Variants in CENPW observed in about 807,000 individuals in gnomAD.
The protein encoded by CENPW is cancer-up-regulated gene 2 protein.
A neutral mutation model predicts 11.1 loss-of-function variants in CENPW; 3 were observed. The ratio of observed to expected loss-of-function variants is 0.27; its 90% confidence interval spans 0.12 to 0.70. The LOEUF is 0.70. Ranked by LOEUF, CENPW falls within the 30% of genes least tolerant of loss-of-function variation. The probability of loss-of-function intolerance (pLI) is 0.77; values close to 1 mark genes in which losing one functional copy is unlikely to be tolerated. For synonymous variants in CENPW, 38 were observed against 42.0 expected, an observed-to-expected ratio of 0.91 and a Z score of 0.37; for missense variants, 100 against 105.6, an observed-to-expected ratio of 0.95 and a Z score of 0.23.
At position 126,340,267 on chromosome 6, in the gene CENPW, A is replaced by AAT. The variant is rs745787203; in HGVS notation, c.-7_-6insAT. ...GAAGCTGAGGCAGCTGGTACTTGAC[A>AAT]GAGAGGATGGCGCTGTCGACCATAG... On this transcript the variant is annotated 5_prime_UTR_variant, in exon 1 of 3. The change creates a new upstream start codon in the 5' untranslated region. Coordinates refer to ENST00000368328, the MANE Select transcript of CENPW (RefSeq NM_001012507.4). 1.2e-6 allele frequency: 2 copies of AAT among 1,613,244 alleles called. No homozygotes were observed. Among genetic ancestry groups the AAT allele is most frequent in the African/African-American group, 2.7e-5 (2 of 75,032 alleles).
chr6:126,356,556 A>G, the CENPW span, among the ~76,000 whole-genome samples: 6 of 152,306 alleles, frequency 3.9e-5, no homozygotes, highest in Admixed American at 2.6e-4. Flanking sequence ...ATTCCCATCA[A>G]TTGTGTATAA....
At chr6:126,376,876 G>A in the CENPW span, among the ~76,000 whole-genome samples, 5 of 152,070 alleles carry the variant, frequency 3.3e-5, no homozygotes, top group African/African-American at 7.2e-5. Context: ...CTGGTGTTCC[G>A]GCATGTCAGG....
At chr6:126,370,309 G>C in the CENPW span, among the ~76,000 whole-genome samples, 1 of 152,056 alleles carries the variant, frequency 6.6e-6, no homozygotes. Flanking sequence ...TGTGAAGAAT[G>C]ATGGTGCTAT....
At chr6:126,438,226 T>G in the CENPW span, among the ~76,000 whole-genome samples, 1 of 151,730 alleles carries the variant, frequency 6.6e-6, no homozygotes, top group Non-Finnish European at 1.5e-5. Flanking sequence ...ATTAAATACC[T>G]TTCTTAAGGG....
the CENPW span, among the ~76,000 whole-genome samples, chr6:126,385,390 AT>A: frequency 1.3e-5 from 2 of 152,192 alleles, no homozygotes; most frequent in African/African-American, 4.8e-5. Context: ...GATAAAGAAA[AT>A]GTGGTGCATA....
chr6:126,373,212 A>G, the CENPW span, among the ~76,000 whole-genome samples: 1 of 152,216 alleles, frequency 6.6e-6, no homozygotes, highest in Non-Finnish European at 1.5e-5. Context: ...ACTCTAAAGT[A>G]TTTATTCTGT....
At chr6:126,381,765 C>G in the CENPW span, among the ~76,000 whole-genome samples, 53 of 152,282 alleles carry the variant, frequency 3.5e-4, 1 homozygote, top group East Asian at 9.9e-3. Flanking sequence ...GACCAGTGGT[C>G]CAAGAGCATC....
chr6:126,429,740 T>TA, the CENPW span, among the ~76,000 whole-genome samples: 4 of 152,308 alleles, frequency 2.6e-5, no homozygotes, highest in East Asian at 7.7e-4. Context: ...GGCTGAGTTT[T>TA]AAAAATATAT....
At chr6:126,446,755 G>A in the CENPW span, among the ~76,000 whole-genome samples, 1 of 151,134 alleles carries the variant, frequency 6.6e-6, no homozygotes, top group African/African-American at 2.4e-5. Context: ...TATCAACATA[G>A]ATAAAGTTAC....
chr6:126,407,291 T>C, the CENPW span, among the ~76,000 whole-genome samples: 3 of 152,228 alleles, frequency 2.0e-5, no homozygotes, highest in Admixed American at 2.0e-4. Context: ...TGCATAGTAT[T>C]CCATGGTGTA....
chr6:126,473,922 G>GAT, the CENPW span, among the ~76,000 whole-genome samples: 2 of 145,132 alleles, frequency 1.4e-5, no homozygotes, highest in African/African-American at 5.2e-5. Context: ...GCATAGCATA[G>GAT]ATATAGAATA....
the CENPW span, among the ~76,000 whole-genome samples, chr6:126,415,843 G>A: frequency 5.9e-5 from 9 of 152,148 alleles, no homozygotes; most frequent in South Asian, 4.1e-4. Flanking sequence ...TCATTCTTTT[G>A]GAAACTGCCC....
the CENPW span, among the ~76,000 whole-genome samples, chr6:126,465,939 C>G: frequency 1.3e-5 from 2 of 152,198 alleles, no homozygotes; most frequent in South Asian, 2.1e-4. Context: ...GAAAATCAAT[C>G]ATACACCTAA....
the CENPW span, among the ~76,000 whole-genome samples, chr6:126,402,508 TC>T: frequency 7.4e-6 from 1 of 134,704 alleles, no homozygotes; most frequent in Non-Finnish European, 1.6e-5. Context: ...CTCTATTTTC[TC>T]CCACCCACCC....
chr6:126,460,983 T>C, the CENPW span, among the ~76,000 whole-genome samples: 35 of 151,914 alleles, frequency 2.3e-4, no homozygotes, highest in African/African-American at 7.5e-4. Context: ...TCCCAGTTCT[T>C]AACATACTGG....
At chr6:126,427,842 G>A in the CENPW span, among the ~76,000 whole-genome samples, 308 of 152,314 alleles carry the variant, frequency 2.0e-3, no homozygotes, top group Non-Finnish European at 3.9e-3. Context: ...GACTGTACAC[G>A]TGATGCCTGG....
chr6:126,386,225 A>G, the CENPW span, among the ~76,000 whole-genome samples: 13 of 152,068 alleles, frequency 8.5e-5, no homozygotes, highest in African/African-American at 3.1e-4. Flanking sequence ...ATGGTCAGGT[A>G]GGAAACAAAG....
the CENPW span, among the ~76,000 whole-genome samples, chr6:126,390,830 T>C: frequency 6.6e-6 from 1 of 152,048 alleles, no homozygotes; most frequent in Non-Finnish European, 1.5e-5. Context: ...TGAAAAATAC[T>C]CTATTGTGTA....
chr6:126,390,877 T>G, the CENPW span, among the ~76,000 whole-genome samples: 2 of 152,054 alleles, frequency 1.3e-5, no homozygotes, highest in Non-Finnish European at 1.5e-5. Flanking sequence ...CATCTTTTGA[T>G]GGACACTTAG....
Sources: allele counts gnomAD v4.1 joint callset (sites outside exome capture counted in the v4.1 genomes callset), GRCh38; gene constraint gnomAD v4.1.1; transcripts MANE v1.5; gene names NCBI Gene and HGNC (gene_info 2026-07-23, HGNC 2026-07-21).